The following TBC1D19 variants were observed in gnomAD, a reference collection of about 807,000 sequenced individuals.
The protein encoded by TBC1D19 is TBC1 domain family member 19, also known as TBC1 domain family, member 19.
A neutral mutation model predicts 89.0 loss-of-function variants in TBC1D19; 60 were observed. The observed-to-expected ratio is 0.67, with a 90% CI of 0.55 to 0.84. TBC1D19 has a LOEUF of 0.84. Ranked by LOEUF, TBC1D19 falls within the 40% of genes least tolerant of loss-of-function variation. The probability of loss-of-function intolerance (pLI) is 0.00; values close to 1 mark genes in which losing one functional copy is unlikely to be tolerated. For synonymous variants in TBC1D19, 189 were observed against 199.7 expected (o/e 0.95, Z 0.45); for missense variants, 500 against 610.8 (o/e 0.82, Z 1.91).
chr4:26,648,872 G>A (rs757195913), intron 7 of TBC1D19, among the ~76,000 whole-genome samples: 8 of 151,810 alleles, frequency 5.3e-5, no homozygotes, highest in Non-Finnish European at 8.8e-5. Flanking sequence ...TTAATAGCTC[G>A]TAACATTGTT....
the TBC1D19 span, among the ~76,000 whole-genome samples, chr4:26,807,882 CA>C: frequency 3.3e-5 from 5 of 152,300 alleles, no homozygotes; most frequent in East Asian, 9.6e-4. Context: ...ATGTTTATTA[CA>C]AGGGTAATGA....
intron 13 of TBC1D19, among the ~76,000 whole-genome samples, chr4:26,694,154 G>GA (rs1407485480): frequency 2.0e-5 from 3 of 152,140 alleles, no homozygotes; most frequent in Non-Finnish European, 4.4e-5. Context: ...CTAGCCAAGA[G>GA]AAGGGGTGAC....
At chr4:26,801,101 G>A in the TBC1D19 span, among the ~76,000 whole-genome samples, 2 of 152,152 alleles carry the variant, frequency 1.3e-5, no homozygotes, top group African/African-American at 2.4e-5. Context: ...GTCCTGAATG[G>A]CATTGCCTAG....
At chr4:26,726,383 TATTA>T (rs1356341074) in intron 15 of TBC1D19, among the ~76,000 whole-genome samples, 1 of 152,206 alleles carries the variant, frequency 6.6e-6, no homozygotes, top group African/African-American at 2.4e-5. Context: ...TTGTCATCCA[TATTA>T]ATTAAATAAA....
At chr4:26,665,165 T>C (rs1577901991) in intron 8 of TBC1D19, among the ~76,000 whole-genome samples, 1 of 152,112 alleles carries the variant, frequency 6.6e-6, no homozygotes, top group East Asian at 1.9e-4. Flanking sequence ...TAGATCTTAG[T>C]CATGGACAAG....
intron 4 of TBC1D19, among the ~76,000 whole-genome samples, chr4:26,627,379 A>G (rs1200122431): frequency 3.3e-5 from 5 of 152,128 alleles, no homozygotes; most frequent in African/African-American, 1.2e-4. Flanking sequence ...TAGCAGCATG[A>G]TTTATAATCC....
chr4:26,722,710 A>C (rs1717057039), intron 15 of TBC1D19, among the ~76,000 whole-genome samples: 1 of 152,234 alleles, frequency 6.6e-6, no homozygotes, highest in Non-Finnish European at 1.5e-5. Context: ...TAATTGTAAC[A>C]GTATAGTTAT....
the TBC1D19 span, among the ~76,000 whole-genome samples, chr4:26,768,143 T>G: frequency 6.6e-6 from 1 of 152,120 alleles, no homozygotes; most frequent in African/African-American, 2.4e-5. Context: ...TATCCAAGGC[T>G]GAAAAAGAAT....
Position 26,721,268 on chromosome 4 carries a change from A to G in TBC1D19, c.1084+1143A>G, listed in dbSNP as rs546228195. On this transcript the variant is annotated intron_variant, in intron 15 of 20. Transcript: ENST00000264866. Reference sequence around the variant, plus strand: ...ATCTTCTTATGCCCACCCCCAAAAGAAAAAAGAAGAAACTAAATTAAAAAA... The same window carrying G: ...ATCTTCTTATGCCCACCCCCAAAAGGAAAAAGAAGAAACTAAATTAAAAAA... 2.2e-4 allele frequency among the ~76,000 whole-genome samples: 33 copies of G among 152,148 alleles called. 1 individual carries two copies. In the East Asian group the frequency reaches 4.5e-3, roughly 21 times the overall value.
chr4:26,642,294 A>G (rs926169757), intron 7 of TBC1D19, among the ~76,000 whole-genome samples: 2 of 152,240 alleles, frequency 1.3e-5, no homozygotes, highest in Non-Finnish European at 2.9e-5. Context: ...TAAAGAAAAG[A>G]ATTTTCAACC....
intron 9 of TBC1D19, among the ~76,000 whole-genome samples, chr4:26,669,070 C>A (rs1437439642): frequency 6.6e-6 from 1 of 151,282 alleles, no homozygotes; most frequent in Non-Finnish European, 1.5e-5. Flanking sequence ...AGTGAGCAAG[C>A]TCAGCATTCT....
chr4:26,687,161 G>A (rs1352204551), intron 12 of TBC1D19, among the ~76,000 whole-genome samples: 1 of 152,126 alleles, frequency 6.6e-6, no homozygotes, highest in Non-Finnish European at 1.5e-5. Flanking sequence ...TACATGTAAG[G>A]TTTGGGATCT....
chr4:26,847,951 A>G, the TBC1D19 span, among the ~76,000 whole-genome samples: 8 of 152,184 alleles, frequency 5.3e-5, no homozygotes, highest in African/African-American at 1.9e-4. Context: ...ATGGTTTTTG[A>G]GCATGTGAAT....
the TBC1D19 span, among the ~76,000 whole-genome samples, chr4:26,764,165 T>C: frequency 6.6e-6 from 1 of 152,228 alleles, no homozygotes; most frequent in South Asian, 2.1e-4. Context: ...TTTTAAGATA[T>C]TTATCAATGT....
intron 13 of TBC1D19, among the ~76,000 whole-genome samples, chr4:26,716,616 A>G (rs971970606): frequency 1.3e-5 from 2 of 152,174 alleles, no homozygotes; most frequent in East Asian, 3.9e-4. Flanking sequence ...ATTCTGCAAC[A>G]TAAAAATGTG....
At chr4:26,770,019 G>A in the TBC1D19 span, among the ~76,000 whole-genome samples, 9 of 150,784 alleles carry the variant, frequency 6.0e-5, no homozygotes, top group Non-Finnish European at 1.3e-4. Context: ...TCAAAAGATG[G>A]TGTAAAAGGA....
intron 4 of TBC1D19, among the ~76,000 whole-genome samples, chr4:26,623,360 G>A (rs1487147135): frequency 6.6e-6 from 1 of 152,060 alleles, no homozygotes; most frequent in Non-Finnish European, 1.5e-5. Flanking sequence ...TTTGCTGTCT[G>A]CCAATATTAT....
At chr4:26,609,924 C>CA (rs1188937729) in intron 1 of TBC1D19, among the ~76,000 whole-genome samples, 2 of 151,880 alleles carry the variant, frequency 1.3e-5, no homozygotes, top group African/African-American at 4.8e-5. Flanking sequence ...TTACCGCTTG[C>CA]AATGTAATGA....
intron 1 of TBC1D19, among the ~76,000 whole-genome samples, chr4:26,601,041 C>T (rs555352260): frequency 1.2e-3 from 178 of 152,060 alleles, no homozygotes; most frequent in Non-Finnish European, 2.3e-3. Flanking sequence ...AAGGATATTT[C>T]GGGGATTGAT....
Sources: gnomAD v4.1 joint callset for allele counts (sites outside exome capture counted in the v4.1 genomes callset) on GRCh38, gnomAD v4.1.1 for gene constraint, MANE v1.5 for transcripts, NCBI Gene and HGNC (gene_info 2026-07-23, HGNC 2026-07-21) for gene names.